Variants in ARHGEF1 observed in about 807,000 individuals in gnomAD.
The protein encoded by ARHGEF1 is Rho guanine nucleotide exchange factor 1, also known as 115 kDa guanine nucleotide exchange factor.
A neutral mutation model predicts 119.7 loss-of-function variants in ARHGEF1; 40 were observed. The ratio of observed to expected loss-of-function variants is 0.33; its 90% CI spans 0.26 to 0.44. The LOEUF (loss-of-function observed/expected upper bound fraction) is 0.44. Among genes scored for constraint, ARHGEF1 ranks in the 20% least tolerant of loss-of-function variants. The pLI is 1.00. For missense variants in ARHGEF1, 976 were observed against 1,268.3 expected (o/e 0.77, Z 3.50); for synonymous variants, 494 against 521.0 (o/e 0.95, Z 0.71).
chr19:41,892,113 A>C lies in ARHGEF1; in HGVS notation c.314A>C (p.Glu105Ala). 1 of 1,612,920 alleles carries C rather than the reference A, an allele frequency of 6.2e-7. No individual in the cohort carries two copies. Among genetic ancestry groups the C allele is most frequent in the East Asian group, 2.2e-5 (1 of 44,858 alleles). Reference protein sequence around the residue: ...AFLDFYHSFLEKTAVLRVPVP... With the variant: ...AFLDFYHSFLAKTAVLRVPVP... ...CTGGACTTCTACCACAGCTTCCTGG[A>C]GAAGACAGCGGTGAGAGACCTTCAA... is the stretch of plus-strand genomic sequence containing the variant. The change falls in exon 5 of 29, where the codon GAG becomes GCG. Residue 105 changes from glutamate (E) to alanine (A), a missense_variant. By Grantham distance (107) the Glu-to-Ala change is moderately radical. Coordinates refer to ENST00000354532, the MANE Select transcript of ARHGEF1 (RefSeq NM_004706.4). The surrounding 1 kb of genome is among the most constrained non-coding windows in gnomAD (Gnocchi z 6.3).
intron 1 of ARHGEF1, among the ~76,000 whole-genome samples, chr19:41,926,886 G>A (rs2074874650): frequency 1.3e-5 from 2 of 152,288 alleles, no homozygotes; most frequent in East Asian, 1.9e-4. Flanking sequence ...GCGAGGGGGA[G>A]ACAGAGACAG....
rs552466716 is a variant in ARHGEF1 at position 41,889,182 on chromosome 19, G to A, written c.225+317G>A. 1.5e-4 allele frequency: 38 copies of A among 255,936 alleles called. No homozygotes were observed. The East Asian group carries it at 2.7e-3, about 18-fold the overall frequency. The allele number at this position is 255,936 out of a possible 1,614,324, so 15.9% of individuals were successfully genotyped here. ...CATCCCACTCTGTGCCTGTGGCAGC[G>A]CCCCCATCAGCCTGTGGCAGCACCT... On this transcript the variant is annotated intron_variant, in intron 4 of 28. Transcript: ENST00000354532. The surrounding 1 kb of genome is among the most constrained non-coding windows in gnomAD (Gnocchi z 4.0).
chr19:41,905,868 C>T lies in ARHGEF1; in HGVS notation c.2404+41C>T. 1 of 1,613,684 alleles carries T rather than the reference C, an allele frequency of 6.2e-7. No individual in the cohort carries two copies. Among genetic ancestry groups the T allele is most frequent in the East Asian group, 2.2e-5 (1 of 44,882 alleles). ...TGCTGGGTGAGGGGCCAGGTTGGGG[C>T]TGCCGGGTGAAGAGAGGCATCCACA... On this transcript the variant is annotated intron_variant, in intron 25 of 28. Transcript: ENST00000354532. This position sits in a 1 kb window ranked among gnomAD's most constrained non-coding sequence, Gnocchi z 6.4.
At chr19:41,919,397 G>C (rs1555852229), upstream of ARHGEF1, among the ~76,000 whole-genome samples, 1 of 152,062 alleles carries the variant, frequency 6.6e-6, no homozygotes, top group South Asian at 2.1e-4. Context: ...TACACAAACA[G>C]TCATCAGTGC....
In ARHGEF1 at chr19:41,892,410, C is replaced by T. The variant is rs200834804; in HGVS notation, c.367+37C>T. 9.5e-5 allele frequency: 153 copies of T among 1,613,578 alleles called. No homozygotes were observed. In the East Asian group the frequency reaches 1.4e-3, roughly 15 times the overall value. On this transcript the variant is annotated intron_variant, in intron 6 of 28. Transcript: ENST00000354532. This position sits in a 1 kb window ranked among gnomAD's most constrained non-coding sequence, Gnocchi z 6.3. ...GATGGGATGAGGGAGAGGTGTCTAG[C>T]GGGGACCACACCTCCCAGGAGGCCA...
At chr19:41,884,348 G>T in intron 1 of ARHGEF1, 1 of 1,419,934 alleles carries the variant, frequency 7.0e-7, no homozygotes, top group East Asian at 2.4e-5. Flanking sequence ...GGGCTAGAGC[G>T]GCTGGCAGGA....
At chr19:41,884,259 T>C (rs1473257265) in intron 1 of ARHGEF1, 5 of 670,344 alleles carry the variant, frequency 7.5e-6, no homozygotes, top group Non-Finnish European at 1.2e-5. Context: ...CGGCCCTATC[T>C]GGCCTGCGTG....
At chr19:41,909,494 G>C (rs1401200625), downstream of ARHGEF1, 4 of 1,252,406 alleles carry the variant, frequency 3.2e-6, no homozygotes, top group African/African-American at 6.2e-5. This position sits in a 1 kb window ranked among gnomAD's most constrained non-coding sequence, Gnocchi z 5.2. Flanking sequence ...TGGTGGTGTT[G>C]GGGAGGTGCA....
chr19:41,889,281 G>A lies in ARHGEF1; in HGVS notation c.225+416G>A, dbSNP rs547070542. ...CAGATGCCAGCACGCAGTCATTCAC[G>A]GTTGATGGTTGGGAAAAAGAAGCTG... On this transcript the variant is annotated intron_variant, in intron 4 of 28. Coordinates refer to ENST00000354532, the MANE Select transcript of ARHGEF1 (RefSeq NM_004706.4). The surrounding 1 kb of genome is among the most constrained non-coding windows in gnomAD (Gnocchi z 4.0). 8.0e-5 allele frequency: 13 copies of A among 163,446 alleles called. No homozygotes were observed. In the South Asian group the frequency reaches 8.3e-4, roughly 10 times the overall value. 10.1% of individuals were successfully genotyped at this position (163,446 alleles called of 1,614,324 possible).
At chr19:41,894,408 C>T (rs2074442634) in intron 9 of ARHGEF1, 43 bp from the exon 10 acceptor site, 1 of 1,528,754 alleles carries the variant, frequency 6.5e-7, no homozygotes, top group East Asian at 2.3e-5. Flanking sequence ...TTGTTGTTGT[C>T]TCAGAGATGC....
intron 18 of ARHGEF1, among the ~76,000 whole-genome samples, chr19:41,914,078 T>TA (rs1267817443): frequency 1.2e-3 from 1 of 858 alleles, no homozygotes; most frequent in Admixed American, 0.011. Context: ...GAGCCCCGCC[T>TA]ACCCCTGGAC....
chr19:41,897,335 C>T (rs1392775908), intron 13 of ARHGEF1: 1 of 1,267,800 alleles, frequency 7.9e-7, no homozygotes, highest in Non-Finnish European at 1.0e-6. Context: ...AGGTGGGTGC[C>T]TGGGCCCTGG....
chr19:41,897,160 G>A (rs997539076), intron 13 of ARHGEF1: 9 of 605,206 alleles, frequency 1.5e-5, no homozygotes, highest in Non-Finnish European at 2.2e-5. Context: ...CCTCTGCTCT[G>A]TGCCCTGGGG....
intron 1 of ARHGEF1, chr19:41,884,276 T>C (rs2074259868): frequency 1.4e-5 from 11 of 768,786 alleles, no homozygotes; most frequent in Non-Finnish European, 2.3e-5. Flanking sequence ...CGTGGCGCAG[T>C]ACAGCGCTAG....
chr19:41,925,559 G>T (rs1422302319), intron 1 of ARHGEF1, among the ~76,000 whole-genome samples: 2 of 152,190 alleles, frequency 1.3e-5, no homozygotes, highest in Admixed American at 1.3e-4. Context: ...GAGGGGACAA[G>T]AGCTTGGAGG....
downstream of ARHGEF1, chr19:41,908,122 C>T: frequency 1.1e-6 from 1 of 910,224 alleles, no homozygotes; most frequent in East Asian, 3.3e-5. This position sits in a 1 kb window ranked among gnomAD's most constrained non-coding sequence, Gnocchi z 6.7. Flanking sequence ...TGTGCCCAGA[C>T]CTGGGAGGTG....
downstream of ARHGEF1, chr19:41,908,365 C>T (rs2074730756): frequency 1.6e-6 from 2 of 1,231,306 alleles, no homozygotes; most frequent in South Asian, 8.2e-5. The surrounding 1 kb of genome is among the most constrained non-coding windows in gnomAD (Gnocchi z 6.7). Context: ...CCACCAAGGG[C>T]AGCCTCTGGA....
chr19:41,907,286 T>G lies in ARHGEF1; in HGVS notation c.*199T>G, dbSNP rs1555850537. The G allele has an allele frequency of 6.5e-7, 1 of 1,530,442 alleles. No individual in the cohort carries two copies. The highest frequency in any genetic ancestry group is 2.5e-5 in the East Asian group (1 of 40,710). 94.8% of individuals were successfully genotyped at this position (1,530,442 alleles called of 1,614,324 possible). A position where few individuals can be genotyped will look rare whatever the true frequency, so the allele number is the denominator to read the frequency against. On this transcript the variant is annotated 3_prime_UTR_variant, in exon 29 of 29. Transcript: ENST00000354532. ...CCTCGGCCATCTCTCCCTCCTGCCC[T>G]CTGCTTGGGGGACTCAGGGCTCCAT...
At chr19:41,914,574 C>CTCTCCCTCCCCTTCCACCGTCTCT (rs1568831580) in intron 18 of ARHGEF1, among the ~76,000 whole-genome samples, 1 of 17,932 alleles carries the variant, frequency 5.6e-5, no homozygotes, top group Non-Finnish European at 1.2e-4. Context: ...TCTCTGTCTC[C>CTCTCCCTCCCCTTCCACCGTCTCT]GTCTCTCCCT....
Sources: gnomAD v4.1 joint callset for allele counts (sites outside exome capture counted in the v4.1 genomes callset) on GRCh38, gnomAD v4.1.1 for gene constraint, Gnocchi (gnomAD v3.1) non-coding constraint, MANE v1.5 for transcripts, NCBI Gene and HGNC (gene_info 2026-07-23, HGNC 2026-07-21) for gene names.